FAM200B: variants seen among roughly 807,000 people sequenced by gnomAD.
FAM200B encodes the protein protein FAM200B.
A neutral mutation model predicts 33.1 loss-of-function variants in FAM200B; 32 were observed. The ratio of observed to expected loss-of-function variants is 0.97; its 90% CI spans 0.73 to 1.30. The LOEUF is 1.30. Ranked by LOEUF, FAM200B falls within the 50% of genes most tolerant of loss-of-function variation. The pLI is 0.00. For synonymous variants in FAM200B, 240 were observed against 264.8 expected, an observed-to-expected ratio of 0.91 and a Z score of 0.91; for missense variants, 741 against 754.0, an observed-to-expected ratio of 0.98 and a Z score of 0.20.
At chr4:15,669,729 G>C in the FAM200B span, among the ~76,000 whole-genome samples, 10 of 152,216 alleles carry the variant, frequency 6.6e-5, no homozygotes, top group African/African-American at 2.2e-4. Context: ...CTCAATACTA[G>C]TTGGTCAGTA....
At chr4:15,671,073 G>C in the FAM200B span, among the ~76,000 whole-genome samples, 1 of 151,514 alleles carries the variant, frequency 6.6e-6, no homozygotes, top group Admixed American at 6.6e-5. Context: ...ACAGGTGCCC[G>C]CCACCACACC....
chr4:15,688,569 T>G lies in FAM200B; in HGVS notation c.1592T>G (p.Leu531Ter), dbSNP rs1184496849. Residue 531 changes from leucine to a stop codon, truncating the protein, a stop_gained, in exon 2 of 2, where the codon TTA becomes TGA. Coordinates refer to ENST00000422728, the MANE Select transcript of FAM200B (RefSeq NM_001145191.2). LOFTEE classifies it high-confidence loss of function. The stretch of plus-strand genomic sequence containing the variant: ...TTTCCAGAAGAAAAATTTGAAACAT[T>G]AAGGGAAAACAGTTGGGTAAAAGAT... ...HFFPEEKFET[L>*]RENSWVKDPF... 1.3e-6 allele frequency: 2 copies of G among 1,550,540 alleles called. No individual in the cohort carries two copies. The highest frequency in any genetic ancestry group is 2.7e-5 in the African/African-American group (2 of 73,002).
At chr4:15,655,464 C>T in the FAM200B span, 2 of 894,726 alleles carry the variant, frequency 2.2e-6, no homozygotes, top group Non-Finnish European at 2.7e-6. Context: ...CATGCGATCC[C>T]TGCGGCCCAC....
At chr4:15,674,930 C>T in the FAM200B span, among the ~76,000 whole-genome samples, 1 of 151,996 alleles carries the variant, frequency 6.6e-6, no homozygotes, top group Admixed American at 6.6e-5. Flanking sequence ...ATTACAGGCA[C>T]GAGCCACCGC....
chr4:15,655,199 GT>G, the FAM200B span: 1 of 1,414,866 alleles, frequency 7.1e-7, no homozygotes, highest in Admixed American at 2.2e-5. Flanking sequence ...TCAGCGCTCC[GT>G]TACCTTGTCG....
chr4:15,662,853 T>G, the FAM200B span, among the ~76,000 whole-genome samples: 5 of 152,182 alleles, frequency 3.3e-5, no homozygotes. Flanking sequence ...GGCTAAACAT[T>G]ATTCCCAGAT....
At chr4:15,653,421 C>T in the FAM200B span, among the ~76,000 whole-genome samples, 1 of 152,138 alleles carries the variant, frequency 6.6e-6, no homozygotes, top group African/African-American at 2.4e-5. Context: ...AATAAGGCTG[C>T]TTAGCCTTAG....
the FAM200B span, among the ~76,000 whole-genome samples, chr4:15,652,047 T>C: frequency 2.0e-5 from 3 of 152,206 alleles, no homozygotes; most frequent in African/African-American, 7.2e-5. Context: ...CATGTCACAT[T>C]GCCAACGTCT....
At chr4:15,659,835 T>C in the FAM200B span, 2 of 592,872 alleles carry the variant, frequency 3.4e-6, no homozygotes, top group Non-Finnish European at 4.3e-6. Context: ...AATGGTTCCA[T>C]GTGTATGGCC....
At chr4:15,660,415 CA>C in the FAM200B span, among the ~76,000 whole-genome samples, 1 of 152,028 alleles carries the variant, frequency 6.6e-6, no homozygotes, top group Non-Finnish European at 1.5e-5. Context: ...AACAGAGTAC[CA>C]AAAAATCCCC....
At chr4:15,647,343 A>T in the FAM200B span, among the ~76,000 whole-genome samples, 1 of 152,050 alleles carries the variant, frequency 6.6e-6, no homozygotes, top group Non-Finnish European at 1.5e-5. Flanking sequence ...ATTATAAGTA[A>T]TCTAAAGATG....
At chr4:15,664,028 A>G in the FAM200B span, among the ~76,000 whole-genome samples, 1 of 152,198 alleles carries the variant, frequency 6.6e-6, no homozygotes, top group African/African-American at 2.4e-5. Context: ...AAGAAGCTAC[A>G]TAATTTGCCC....
At chr4:15,660,351 G>A in the FAM200B span, among the ~76,000 whole-genome samples, 3 of 151,914 alleles carry the variant, frequency 2.0e-5, no homozygotes, top group Non-Finnish European at 4.4e-5. Context: ...CAAAGCACTG[G>A]GATTACAGGC....
At chr4:15,649,278 G>T in the FAM200B span, among the ~76,000 whole-genome samples, 1 of 152,030 alleles carries the variant, frequency 6.6e-6, no homozygotes, top group Non-Finnish European at 1.5e-5. Flanking sequence ...AGTAAATTTA[G>T]CAGTTAAAAG....
the FAM200B span, among the ~76,000 whole-genome samples, chr4:15,672,739 A>T: frequency 1.3e-5 from 2 of 152,210 alleles, no homozygotes; most frequent in African/African-American, 4.8e-5. Flanking sequence ...GCTTAAATAC[A>T]TTAAATTTAT....
At chr4:15,678,658 G>A (rs1718082861), upstream of FAM200B, among the ~76,000 whole-genome samples, 1 of 152,114 alleles carries the variant, frequency 6.6e-6, no homozygotes, top group African/African-American at 2.4e-5. Context: ...ATTAATTTAA[G>A]TATATTTACC....
At chr4:15,661,921 C>G in the FAM200B span, among the ~76,000 whole-genome samples, 3 of 152,208 alleles carry the variant, frequency 2.0e-5, no homozygotes, top group Non-Finnish European at 2.9e-5. Context: ...TCCTCATAGG[C>G]TGTTAGAATA....
At chr4:15,685,071 A>G (rs770632231) in intron 1 of FAM200B, 5 of 151,536 alleles carry the variant, frequency 3.3e-5, no homozygotes, top group South Asian at 2.1e-4. Context: ...ATTAAAAGGT[A>G]TAAAACCTGA....
At chr4:15,638,893 G>A in the FAM200B span, among the ~76,000 whole-genome samples, 12 of 152,256 alleles carry the variant, frequency 7.9e-5, no homozygotes, top group Admixed American at 1.3e-4. Context: ...GGCCAGGCGC[G>A]GTGGCTAACA....
Sources: allele counts gnomAD v4.1 joint callset (sites outside exome capture counted in the v4.1 genomes callset), GRCh38; gene constraint gnomAD v4.1.1; transcripts MANE v1.5; gene names NCBI Gene and HGNC (gene_info 2026-07-23, HGNC 2026-07-21).